KCNMB2: variants seen among roughly 807,000 people sequenced by gnomAD.
The protein encoded by KCNMB2 is calcium-activated potassium channel subunit beta-2.
Under a neutral mutation model 24.5 loss-of-function variants are expected in KCNMB2, and 9 were observed. The ratio of observed to expected loss-of-function variants is 0.37; its 90% CI spans 0.22 to 0.64. The LOEUF (loss-of-function observed/expected upper bound fraction) is 0.64. Ranked by LOEUF, KCNMB2 falls within the 30% of genes least tolerant of loss-of-function variation. The pLI, the probability that KCNMB2 is intolerant of heterozygous loss-of-function variation, is 0.63. For synonymous variants in KCNMB2, 109 were observed against 104.4 expected (o/e 1.04, Z -0.27); for missense variants, 226 against 284.3 (o/e 0.79, Z 1.47).
At chr3:178,598,717 C>T (rs955882633) in intron 1 of KCNMB2, among the ~76,000 whole-genome samples, 4 of 151,800 alleles carry the variant, frequency 2.6e-5, no homozygotes, top group African/African-American at 9.7e-5. Flanking sequence ...GGTTAGAGTG[C>T]TCACGTGACC....
At chr3:178,666,919 C>T (rs974636447) in intron 1 of KCNMB2, among the ~76,000 whole-genome samples, 16 of 152,090 alleles carry the variant, frequency 1.1e-4, no homozygotes, top group Non-Finnish European at 2.9e-5. Context: ...TGTTCAAGTT[C>T]CTTACATAAA....
intron 1 of KCNMB2, among the ~76,000 whole-genome samples, chr3:178,564,260 A>C (rs1716429984): frequency 6.9e-6 from 1 of 145,738 alleles, no homozygotes; most frequent in African/African-American, 2.6e-5. Context: ...CCTGGGCGAC[A>C]GAGCGAGACT....
chr3:178,558,031 A>C (rs1716183711), intron 1 of KCNMB2, among the ~76,000 whole-genome samples: 1 of 152,220 alleles, frequency 6.6e-6, no homozygotes, highest in Non-Finnish European at 1.5e-5. Flanking sequence ...TTAATAAGAA[A>C]ATCTGTAAAT....
At chr3:178,576,578 G>A (rs1427041965) in intron 1 of KCNMB2, among the ~76,000 whole-genome samples, 1 of 152,222 alleles carries the variant, frequency 6.6e-6, no homozygotes, top group Admixed American at 6.5e-5. Context: ...AGCCCAGCAA[G>A]CTAAGATCCC....
intron 1 of KCNMB2, among the ~76,000 whole-genome samples, chr3:178,645,943 T>C (rs1034404181): frequency 6.6e-6 from 1 of 151,894 alleles, no homozygotes; most frequent in Non-Finnish European, 1.5e-5. Context: ...GGGACAGGAG[T>C]TTTTTGTGGT....
At chr3:178,649,293 A>G (rs1720023837) in intron 1 of KCNMB2, among the ~76,000 whole-genome samples, 1 of 152,176 alleles carries the variant, frequency 6.6e-6, no homozygotes, top group Non-Finnish European at 1.5e-5. Context: ...TAAAAACTAG[A>G]GATACTCATA....
At chr3:178,803,157 G>C (rs1377690939) in intron 1 of KCNMB2, among the ~76,000 whole-genome samples, 1 of 152,170 alleles carries the variant, frequency 6.6e-6, no homozygotes, top group Non-Finnish European at 1.5e-5. Flanking sequence ...CAAAAACTCA[G>C]AGACGTTAAA....
At chr3:178,582,278 C>T (rs779810033) in intron 1 of KCNMB2, among the ~76,000 whole-genome samples, 10 of 152,104 alleles carry the variant, frequency 6.6e-5, no homozygotes, top group Admixed American at 4.6e-4. Context: ...AACCAAACAC[C>T]GCATGTTCTC....
chr3:178,622,889 G>T (rs1399883360), intron 1 of KCNMB2, among the ~76,000 whole-genome samples: 2 of 152,108 alleles, frequency 1.3e-5, no homozygotes, highest in Non-Finnish European at 2.9e-5. Flanking sequence ...TATGAGAAGA[G>T]ATTAAAGGAG....
chr3:178,692,368 T>C (rs13084519), intron 1 of KCNMB2, among the ~76,000 whole-genome samples: 49,909 of 152,150 alleles, frequency 0.33, 8,923 homozygotes, highest in African/African-American at 0.47. Flanking sequence ...AGGAATTTTA[T>C]AGTTTTGGGT....
intron 1 of KCNMB2, among the ~76,000 whole-genome samples, chr3:178,721,801 G>T (rs150860705): frequency 9.9e-5 from 15 of 152,148 alleles, no homozygotes; most frequent in South Asian, 4.1e-4. Flanking sequence ...TCTTATTTTG[G>T]CTTGAACTCA....
chr3:178,604,161 G>A (rs1477774), intron 1 of KCNMB2, among the ~76,000 whole-genome samples: 101,875 of 151,906 alleles, frequency 0.67, 35,020 homozygotes, highest in African/African-American at 0.82. Context: ...GAACAAAGCA[G>A]ATGGGAATGC....
intron 1 of KCNMB2, among the ~76,000 whole-genome samples, chr3:178,611,559 G>A (rs142334146): frequency 6.6e-6 from 1 of 152,042 alleles, no homozygotes; most frequent in Non-Finnish European, 1.5e-5. Context: ...AAAAATATTA[G>A]CTGGACGTGG....
At chr3:178,563,639 T>C (rs1220858679) in intron 1 of KCNMB2, among the ~76,000 whole-genome samples, 8 of 152,140 alleles carry the variant, frequency 5.3e-5, no homozygotes, top group Admixed American at 5.2e-4. Context: ...ATTGAAGTCA[T>C]AAATTAAGTA....
intron 1 of KCNMB2, among the ~76,000 whole-genome samples, chr3:178,596,215 G>A (rs1172606135): frequency 6.6e-6 from 1 of 152,054 alleles, no homozygotes; most frequent in East Asian, 1.9e-4. Flanking sequence ...ACATTCCCAT[G>A]CATCCAGTTG....
intron 1 of KCNMB2, among the ~76,000 whole-genome samples, chr3:178,592,587 G>A (rs867974068): frequency 6.6e-6 from 1 of 152,094 alleles, no homozygotes; most frequent in Non-Finnish European, 1.5e-5. Flanking sequence ...TGCTATGTGT[G>A]TTTTCCATAA....
intron 1 of KCNMB2, among the ~76,000 whole-genome samples, chr3:178,679,809 G>T (rs1037157136): frequency 2.6e-5 from 4 of 152,070 alleles, no homozygotes; most frequent in African/African-American, 9.7e-5. Flanking sequence ...ACTCCCTAGT[G>T]CAATAAAGCC....
intron 1 of KCNMB2, among the ~76,000 whole-genome samples, chr3:178,799,769 T>A (rs1410116675): frequency 6.6e-6 from 1 of 152,024 alleles, no homozygotes; most frequent in Admixed American, 6.6e-5. Context: ...TTATCTGACA[T>A]CAAATTATGC....
intron 1 of KCNMB2, among the ~76,000 whole-genome samples, chr3:178,760,965 C>CT (rs1388778977): frequency 7.2e-5 from 11 of 152,214 alleles, no homozygotes; most frequent in Admixed American, 7.2e-4. Context: ...ATATGCACCA[C>CT]TTGCAATTCT....
Sources: gnomAD v4.1 joint callset for allele counts (sites outside exome capture counted in the v4.1 genomes callset) on GRCh38, gnomAD v4.1.1 for gene constraint, MANE v1.5 for transcripts, NCBI Gene and HGNC (gene_info 2026-07-23, HGNC 2026-07-21) for gene names.